The following CDH12 variants were observed in gnomAD, a reference collection of about 807,000 sequenced individuals.
The protein encoded by CDH12 is cadherin-12.
Under a neutral mutation model 74.1 loss-of-function variants are expected in CDH12, and 41 were observed. The observed-to-expected ratio is 0.55, with a 90% confidence interval of 0.43 to 0.72. The LOEUF (loss-of-function observed/expected upper bound fraction) is 0.72, where lower values mean the gene tolerates loss of function less well. Ranked by LOEUF, CDH12 falls within the 30% of genes least tolerant of loss-of-function variation. The pLI is 0.00. For synonymous variants in CDH12, 399 were observed against 355.0 expected (o/e 1.12, Z -1.39); for missense variants, 945 against 977.2 (o/e 0.97, Z 0.44).
At chr5:22,720,196 G>A (rs1257394800) in intron 1 of CDH12, among the ~76,000 whole-genome samples, 1 of 152,136 alleles carries the variant, frequency 6.6e-6, no homozygotes, top group East Asian at 1.9e-4. Context: ...ATCGTGGGGG[G>A]CAGTTTCCTT....
intron 7 of CDH12, among the ~76,000 whole-genome samples, chr5:21,844,914 T>A (rs1360763038): frequency 6.6e-6 from 1 of 152,122 alleles, no homozygotes; most frequent in Non-Finnish European, 1.5e-5. Context: ...GAAGACTATC[T>A]TCAATAATTC....
chr5:22,761,405 T>C (rs1376172875), intron 1 of CDH12, among the ~76,000 whole-genome samples: 2 of 152,132 alleles, frequency 1.3e-5, no homozygotes, highest in African/African-American at 4.8e-5. Flanking sequence ...GGGAAACCCT[T>C]ACAAAGTTAT....
chr5:22,171,406 G>C (rs1749022005), intron 4 of CDH12, among the ~76,000 whole-genome samples: 1 of 151,870 alleles, frequency 6.6e-6, no homozygotes, highest in Admixed American at 6.6e-5. Flanking sequence ...CTGCTCCATA[G>C]TTATGAGGAA....
chr5:22,088,656 T>C (rs1017708362), intron 4 of CDH12, among the ~76,000 whole-genome samples: 6 of 152,136 alleles, frequency 3.9e-5, no homozygotes, highest in Admixed American at 2.6e-4. Context: ...TCAGGGGGCA[T>C]ACTTTATTTG....
chr5:22,796,514 C>CTTTTT (rs70959756), intron 1 of CDH12, among the ~76,000 whole-genome samples: 8 of 59,748 alleles, frequency 1.3e-4, no homozygotes, highest in East Asian at 6.6e-4. Context: ...GATTTTTTAT[C>CTTTTT]TTTTTTTTTT....
chr5:21,827,935 T>G, intron 8 of CDH12, among the ~76,000 whole-genome samples: 1 of 152,200 alleles, frequency 6.6e-6, no homozygotes, highest in East Asian at 1.9e-4. Flanking sequence ...CCATTGAATA[T>G]TTAAACCTTT....
chr5:22,567,325 A>T (rs993938527), intron 1 of CDH12, among the ~76,000 whole-genome samples: 1 of 152,182 alleles, frequency 6.6e-6, no homozygotes, highest in Non-Finnish European at 1.5e-5. Flanking sequence ...CAATTTGAAA[A>T]TCCTAAAACT....
At chr5:21,867,669 A>T (rs977027001) in intron 6 of CDH12, among the ~76,000 whole-genome samples, 1 of 152,136 alleles carries the variant, frequency 6.6e-6, no homozygotes, top group Non-Finnish European at 1.5e-5. Flanking sequence ...CTATATCCCC[A>T]TTGTATCTAG....
At position 22,431,087 on chromosome 5, in the gene CDH12, G is replaced by A. The variant is rs964261309; in HGVS notation, c.-427-25736C>T. ...ATTTCTCCTTTATCCATTGAGTTAC[G>A]GATTACAAAAATAGCTCAGTTGTTT... On this transcript the variant is annotated intron_variant, in intron 2 of 14. Transcript: ENST00000382254. Among the ~76,000 whole-genome samples the A allele has an allele frequency of 4.2e-4, 64 of 152,132 alleles. 1 individual carries two copies. The highest frequency in any genetic ancestry group is 4.1e-3 in the Admixed American group (62 of 15,274).
chr5:22,369,620 C>T lies in CDH12; in HGVS notation c.-333+35637G>A, dbSNP rs1399685072. On this transcript the variant is annotated intron_variant, in intron 3 of 14. Transcript: ENST00000382254. ...TCAATTCTGCTACACAAAGTGAGAG[C>T]ATCAATACCTTTGAAGGACTGAGGA... 3.9e-5 allele frequency among the ~76,000 whole-genome samples: 6 copies of T among 152,254 alleles called. No individual in the cohort carries two copies. In the Middle Eastern group the frequency reaches 0.017, roughly 432 times the overall value.
At chr5:22,831,371 C>CTGTGTGTGTGTGTGTGTGTCTG (rs1736602123) in intron 1 of CDH12, among the ~76,000 whole-genome samples, 3 of 146,642 alleles carry the variant, frequency 2.0e-5, no homozygotes, top group Admixed American at 6.8e-5. Context: ...GTGTGTGTGT[C>CTGTGTGTGTGTGTGTGTGTCTG]TGTGTGTGTG....
chr5:21,917,377 A>T (rs1754147407), intron 6 of CDH12, among the ~76,000 whole-genome samples: 1 of 152,172 alleles, frequency 6.6e-6, no homozygotes, highest in Admixed American at 6.5e-5. Flanking sequence ...GTCTAGTCAA[A>T]GTTACTACAG....
chr5:22,672,500 G>A (rs1237695066), intron 1 of CDH12, among the ~76,000 whole-genome samples: 1 of 152,042 alleles, frequency 6.6e-6, no homozygotes, highest in Non-Finnish European at 1.5e-5. Flanking sequence ...ATAAGAGGAT[G>A]AATCCAACTT....
intron 1 of CDH12, among the ~76,000 whole-genome samples, chr5:22,713,006 A>G (rs1219109117): frequency 6.6e-6 from 1 of 152,140 alleles, no homozygotes; most frequent in Non-Finnish European, 1.5e-5. Context: ...CCAGGCATGT[A>G]TACACCAGGA....
chr5:22,623,338 T>C (rs1738082695), intron 1 of CDH12, among the ~76,000 whole-genome samples: 1 of 152,056 alleles, frequency 6.6e-6, no homozygotes, highest in African/African-American at 2.4e-5. Context: ...GAGAAAGAAA[T>C]AAAAGTATCC....
At chr5:22,245,105 T>C (rs1006949295) in intron 3 of CDH12, among the ~76,000 whole-genome samples, 1 of 152,196 alleles carries the variant, frequency 6.6e-6, no homozygotes, top group Non-Finnish European at 1.5e-5. Context: ...GAGCAATTTC[T>C]ATGTAGGGCC....
chr5:22,203,873 G>A (rs1006857146), intron 4 of CDH12, among the ~76,000 whole-genome samples: 3 of 152,070 alleles, frequency 2.0e-5, no homozygotes, highest in South Asian at 2.1e-4. Flanking sequence ...TCATGTTCCT[G>A]TTGGCCATTG....
intron 3 of CDH12, among the ~76,000 whole-genome samples, chr5:22,342,096 A>C (rs1739877142): frequency 2.0e-5 from 3 of 152,068 alleles, no homozygotes; most frequent in Admixed American, 1.3e-4. Context: ...ATTGAGAGAG[A>C]GGTCTCAGCT....
intron 3 of CDH12, among the ~76,000 whole-genome samples, chr5:22,310,329 G>A (rs1255572713): frequency 7.9e-5 from 12 of 151,776 alleles, no homozygotes; most frequent in Non-Finnish European, 1.8e-4. Flanking sequence ...AGACATGATG[G>A]CAGACACCTG....
Sources: gnomAD v4.1 joint callset for allele counts (sites outside exome capture counted in the v4.1 genomes callset) on GRCh38, gnomAD v4.1.1 for gene constraint, MANE v1.5 for transcripts, NCBI Gene and HGNC (gene_info 2026-07-23, HGNC 2026-07-21) for gene names.